Variants in PARD3B observed in about 807,000 individuals in gnomAD.
PARD3B encodes par-3 family cell polarity regulator beta, also known as partitioning defective 3 homolog B.
PARD3B carries 103 observed loss-of-function variants against 130.2 expected under a neutral mutation model. The observed-to-expected ratio is 0.79, with a 90% CI of 0.67 to 0.93. The LOEUF (loss-of-function observed/expected upper bound fraction) is 0.93, where lower values mean the gene tolerates loss of function less well. Ranked by LOEUF, PARD3B falls within the 40% of genes least tolerant of loss-of-function variation. The pLI is 0.00. For missense variants in PARD3B, 1,609 were observed against 1,499.2 expected (o/e 1.07, Z -1.21); for synonymous variants, 583 against 553.2 (o/e 1.05, Z -0.76).
In PARD3B at chr2:205,265,669, A is replaced by G. The variant is rs1036665002; in HGVS notation, c.2185+19847A>G. 1.3e-5 allele frequency among the ~76,000 whole-genome samples: 2 copies of G among 152,048 alleles called. No individual in the cohort carries two copies. Among genetic ancestry groups the G allele is most frequent in the African/African-American group, 2.4e-5 (1 of 41,438 alleles). On this transcript the variant is annotated intron_variant, in intron 16 of 22. Transcript: ENST00000406610. The surrounding 1 kb of genome is among the most constrained non-coding windows in gnomAD (Gnocchi z 4.3). ...GAAAAACAATATTTTATAGGAAAAC[A>G]TTAGTAACAAGAGAGATATCTTAAT...
chr2:204,811,195 AT>A (rs1391493659), intron 2 of PARD3B, among the ~76,000 whole-genome samples: 1 of 150,938 alleles, frequency 6.6e-6, no homozygotes, highest in Non-Finnish European at 1.5e-5. Context: ...TTTGTGTCCT[AT>A]TTCTTCTTTA....
At chr2:204,743,024 A>G (rs1235929734) in intron 2 of PARD3B, among the ~76,000 whole-genome samples, 1 of 152,216 alleles carries the variant, frequency 6.6e-6, no homozygotes. Context: ...ACATGGCTCT[A>G]AGCAAGTTAA....
Position 205,346,517 on chromosome 2 carries a change from C to T in PARD3B, c.2630+44816C>T, listed in dbSNP as rs148330611. On this transcript the variant is annotated intron_variant, in intron 18 of 22. Coordinates refer to ENST00000406610, the MANE Select transcript of PARD3B (RefSeq NM_001302769.2). ...GGTTCCAAGAGGGCTTCATGCTTCC[C>T]CTGGCTTACTGTGCTAAGGTACCTT... Among the ~76,000 whole-genome samples, 87 of 152,236 alleles carry T rather than the reference C, an allele frequency of 5.7e-4. 2 individuals carry two copies. In the East Asian group the frequency reaches 0.015, roughly 27 times the overall value.
chr2:204,861,162 T>TTCTCTCTCTCTCTCTC (rs60740602), intron 2 of PARD3B, among the ~76,000 whole-genome samples: 1 of 91,312 alleles, frequency 1.1e-5, no homozygotes, highest in Non-Finnish European at 2.4e-5. Context: ...CCTAATACCT[T>TTCTCTCTCTCTCTCTC]TCTCTCTCTC....
intron 3 of PARD3B, among the ~76,000 whole-genome samples, chr2:205,009,780 C>T (rs570621495): frequency 1.3e-5 from 2 of 152,096 alleles, no homozygotes; most frequent in African/African-American, 4.8e-5. Context: ...CTTTTGGTTA[C>T]CAGTACTTTG....
chr2:205,240,477 C>A (rs1251496879), intron 15 of PARD3B, among the ~76,000 whole-genome samples: 1 of 152,086 alleles, frequency 6.6e-6, no homozygotes, highest in Non-Finnish European at 1.5e-5. Context: ...TATAAGACTA[C>A]CATTGCATCA....
chr2:205,254,727 G>A (rs960085449), intron 16 of PARD3B, among the ~76,000 whole-genome samples: 5 of 150,216 alleles, frequency 3.3e-5, no homozygotes, highest in Admixed American at 1.3e-4. Flanking sequence ...GCAGTGGCGC[G>A]ATCTCGGCTC....
At position 205,255,086 on chromosome 2, in the gene PARD3B, A is replaced by C. The variant is rs149358097; in HGVS notation, c.2185+9264A>C. ...ACAGGTTCCCAACTCCCAGCTAGTCACAGTTACTCTCTGACCATATTTTGC... is the reference window on the plus strand; with the variant it reads ...ACAGGTTCCCAACTCCCAGCTAGTCCCAGTTACTCTCTGACCATATTTTGC... On this transcript the variant is annotated intron_variant, in intron 16 of 22. Coordinates refer to ENST00000406610, the MANE Select transcript of PARD3B (RefSeq NM_001302769.2). Among the ~76,000 whole-genome samples, 1,135 of 151,950 alleles carry C rather than the reference A, an allele frequency of 7.5e-3. 18 individuals carry two copies. The highest frequency in any genetic ancestry group is 0.026 in the African/African-American group (1,066 of 41,454).
chr2:205,387,062 G>C (rs2045687418), intron 18 of PARD3B, among the ~76,000 whole-genome samples: 1 of 152,130 alleles, frequency 6.6e-6, no homozygotes, highest in Non-Finnish European at 1.5e-5. Flanking sequence ...AAGTCAGTCA[G>C]TATATAATAT....
At chr2:204,996,965 C>T (rs991785382) in intron 3 of PARD3B, among the ~76,000 whole-genome samples, 1 of 152,178 alleles carries the variant, frequency 6.6e-6, no homozygotes, top group African/African-American at 2.4e-5. Flanking sequence ...CACACACTGG[C>T]CTGCGCCCAC....
At position 205,553,340 on chromosome 2, in the gene PARD3B, C is replaced by T. The variant is rs751021449; in HGVS notation, c.3197C>T (p.Pro1066Leu). 6.2e-7 allele frequency: 1 copy of T among 1,613,856 alleles called. No homozygotes were observed. Among genetic ancestry groups the T allele is most frequent in the Non-Finnish European group, 8.5e-7 (1 of 1,179,902 alleles). ...TCTCCACAGGTGCCTGGAAGGGGTC[C>T]AGATGGGAATGCACACAACCTCCGC... ...YDLLWVPGRG[P>L]DGNAHNLRFE... Residue 1066 changes from proline (P) to leucine (L), a missense_variant, in exon 22 of 23, where the codon CCA (proline) becomes CTA (leucine). By Grantham distance (98) the Pro-to-Leu change is moderately conservative (BLOSUM62 -3). Coordinates refer to ENST00000406610, the MANE Select transcript of PARD3B (RefSeq NM_001302769.2).
chr2:204,895,117 T>C (rs1319006459), intron 2 of PARD3B, among the ~76,000 whole-genome samples: 1 of 152,072 alleles, frequency 6.6e-6, no homozygotes, highest in Non-Finnish European at 1.5e-5. Context: ...TGTGCAAATG[T>C]GCATTTATGT....
chr2:205,394,909 C>A (rs1330740116), intron 18 of PARD3B, among the ~76,000 whole-genome samples: 2 of 152,256 alleles, frequency 1.3e-5, no homozygotes, highest in African/African-American at 4.8e-5. Context: ...ATGAAAAATT[C>A]TGGACATGAA....
At chr2:205,337,103 A>G (rs2043341936) in intron 18 of PARD3B, among the ~76,000 whole-genome samples, 1 of 152,124 alleles carries the variant, frequency 6.6e-6, no homozygotes, top group South Asian at 2.1e-4. Flanking sequence ...TGGCTTCCTA[A>G]TTAGATAACC....
At chr2:204,908,229 C>T (rs957755955) in intron 2 of PARD3B, among the ~76,000 whole-genome samples, 14 of 152,048 alleles carry the variant, frequency 9.2e-5, no homozygotes, top group African/African-American at 3.1e-4. Context: ...AAAATATGAA[C>T]ACACGTTAAT....
intron 20 of PARD3B, among the ~76,000 whole-genome samples, chr2:205,484,338 T>C (rs936687691): frequency 3.3e-5 from 5 of 152,184 alleles, no homozygotes; most frequent in Admixed American, 3.3e-4. Flanking sequence ...TCTGTTTTCC[T>C]CCGTGAGCCT....
intron 2 of PARD3B, among the ~76,000 whole-genome samples, chr2:204,899,449 A>G (rs2046779062): frequency 6.6e-6 from 1 of 152,150 alleles, no homozygotes; most frequent in East Asian, 1.9e-4. Flanking sequence ...ATTATTTTAA[A>G]CTGATGACAG....
At chr2:205,086,650 G>T (rs888377093) in intron 4 of PARD3B, among the ~76,000 whole-genome samples, 1 of 152,136 alleles carries the variant, frequency 6.6e-6, no homozygotes, top group Admixed American at 6.6e-5. Flanking sequence ...TGGAGGAAAT[G>T]GGGGGAAACC....
intron 2 of PARD3B, among the ~76,000 whole-genome samples, chr2:204,707,398 T>C (rs2038219175): frequency 6.6e-6 from 1 of 152,248 alleles, no homozygotes. Flanking sequence ...ACGAAATCAC[T>C]GTTACAACTT....
Sources: allele counts gnomAD v4.1 joint callset (sites outside exome capture counted in the v4.1 genomes callset), GRCh38; gene constraint gnomAD v4.1.1; non-coding constraint Gnocchi (gnomAD v3.1); transcripts MANE v1.5; gene names NCBI Gene and HGNC (gene_info 2026-07-23, HGNC 2026-07-21).